The following ZNF549 variants were observed in gnomAD, a reference collection of about 807,000 sequenced individuals.
The protein encoded by ZNF549 is zinc finger protein 549.
ZNF549 carries 11 observed loss-of-function variants against 11.1 expected under a neutral mutation model. The observed-to-expected ratio is 0.99, with a 90% CI of 0.62 to 1.64. The LOEUF (loss-of-function observed/expected upper bound fraction) is 1.64, where lower values mean the gene tolerates loss of function less well. ZNF549 is among the 40% of genes most tolerant of loss of function. The probability of loss-of-function intolerance (pLI) is 0.00; values close to 1 mark genes in which losing one functional copy is unlikely to be tolerated. For missense variants in ZNF549, 748 were observed against 765.1 expected, an observed-to-expected ratio of 0.98 and a Z score of 0.26; for synonymous variants, 266 against 269.1, an observed-to-expected ratio of 0.99 and a Z score of 0.11.
intron 3 of ZNF549, among the ~76,000 whole-genome samples, chr19:57,536,283 C>G (rs2089924269): frequency 6.6e-6 from 1 of 152,146 alleles, no homozygotes; most frequent in Non-Finnish European, 1.5e-5. Context: ...ATACACCCAA[C>G]TTATTAGACA....
intron 1 of ZNF549, 143 bp downstream of exon 1, chr19:57,527,749 T>A: frequency 9.6e-7 from 1 of 1,042,614 alleles, no homozygotes; most frequent in Non-Finnish European, 1.4e-6. Context: ...GGCGGTGAGG[T>A]GAAGAAGGGA....
Position 57,538,840 on chromosome 19 carries a change from G to T in ZNF549, c.1836G>T (p.Pro612=), listed in dbSNP as rs371382419. The T allele has an allele frequency of 1.2e-6, 2 of 1,613,638 alleles. No homozygotes were observed. Among genetic ancestry groups the T allele is most frequent in the Non-Finnish European group, 1.7e-6 (2 of 1,180,018 alleles). Residue 612 remains proline, a synonymous_variant, in exon 4 of 4, where the codon CCG becomes CCT. Coordinates refer to ENST00000376233, the MANE Select transcript of ZNF549 (RefSeq NM_001199295.2). ...EHQRIHTGEK[P]YECGKCGKAF... ...AGCGAATCCACACCGGAGAAAAGCC[G>T]TATGAATGTGGTAAATGTGGGAAAG...
chr19:57,532,098 C>A (rs139527196), intron 2 of ZNF549, among the ~76,000 whole-genome samples: 1 of 152,274 alleles, frequency 6.6e-6, no homozygotes, highest in African/African-American at 2.4e-5. Context: ...CATGCGTTGT[C>A]TTGTTTACAT....
At chr19:57,532,797 A>T (rs928703770) in intron 2 of ZNF549, among the ~76,000 whole-genome samples, 1 of 152,194 alleles carries the variant, frequency 6.6e-6, no homozygotes, top group Non-Finnish European at 1.5e-5. Context: ...TTTTCTGCCT[A>T]CTGTATCTGT....
chr19:57,537,716 CAG>C lies in ZNF549; in HGVS notation c.717_718del (p.Arg239SerfsTer9). The C allele has an allele frequency of 1.9e-6, 3 of 1,614,136 alleles. No homozygotes were observed. Among genetic ancestry groups the C allele is most frequent in the Non-Finnish European group, 2.5e-6 (3 of 1,180,030 alleles). On this transcript the variant is annotated frameshift_variant, in exon 4 of 4. Coordinates refer to ENST00000376233, the MANE Select transcript of ZNF549 (RefSeq NM_001199295.2). LOFTEE classifies it low-confidence loss of function (END_TRUNC). ...TGAGAAAGTTCATGTTACTGAGCATCAGAGAGTCCACACTGGAGAAAAAGCTT... is the reference window on the plus strand; with the variant it reads ...TGAGAAAGTTCATGTTACTGAGCATCAGAGTCCACACTGGAGAAAAAGCTT... ...FNEKVHVTEH[Q>X]RVHTGEKAYK...
Position 57,537,251 on chromosome 19 carries a change from CTT to C in ZNF549, c.249_250del (p.Ser84CysfsTer23). On this transcript the variant is annotated frameshift_variant, in exon 4 of 4. Transcript: ENST00000376233. LOFTEE classifies it low-confidence loss of function (END_TRUNC). ...EAEEAPSEQT[L>X]SAQGVSQART... ...TGAGGAGGCCCCTTCTGAGCAGACT[CTT>C]TCTGCGCAAGGAGTGTCACAGGCCA... 1 of 1,614,180 alleles carries C rather than the reference CTT, an allele frequency of 6.2e-7. No individual in the cohort carries two copies. Among genetic ancestry groups the C allele is most frequent in the South Asian group, 1.1e-5 (1 of 91,080 alleles).
Position 57,538,333 on chromosome 19 carries a change from G to A in ZNF549, c.1329G>A (p.Lys443=), listed in dbSNP as rs934637757. 1.1e-5 allele frequency: 18 copies of A among 1,613,874 alleles called. No individual in the cohort carries two copies. Among genetic ancestry groups the A allele is most frequent in the Admixed American group, 6.7e-5 (4 of 59,986 alleles). Residue 443 remains lysine, a synonymous_variant, in exon 4 of 4, where the codon AAG becomes AAA. Transcript: ENST00000376233. ...LEHQRIHTGE[K]PYVCIICGKS... is the part of the protein sequence containing the mutation. ...ACCAGAGAATTCATACTGGAGAAAAGCCTTATGTGTGCATCATATGTGGGA... is the reference window on the plus strand; with the variant it reads ...ACCAGAGAATTCATACTGGAGAAAAACCTTATGTGTGCATCATATGTGGGA...
chr19:57,535,352 G>T, intron 3 of ZNF549, 82 bp downstream of exon 3: 3 of 1,521,804 alleles, frequency 2.0e-6, no homozygotes, highest in Non-Finnish European at 2.7e-6. Flanking sequence ...GTCTTTCCCA[G>T]AGTTGGACAT....
At chr19:57,535,577 G>T (rs2089921016) in intron 3 of ZNF549, among the ~76,000 whole-genome samples, 1 of 152,072 alleles carries the variant, frequency 6.6e-6, no homozygotes. Context: ...TGTGTTACAG[G>T]TTCTCCCCCT....
intron 3 of ZNF549, among the ~76,000 whole-genome samples, chr19:57,536,488 A>G (rs983789309): frequency 1.3e-5 from 2 of 152,218 alleles, no homozygotes; most frequent in African/African-American, 4.8e-5. Flanking sequence ...TGGAAAAATC[A>G]TAAGTTCAAC....
At chr19:57,530,054 T>C (rs1332116412) in intron 1 of ZNF549, among the ~76,000 whole-genome samples, 2 of 152,170 alleles carry the variant, frequency 1.3e-5, no homozygotes, top group Non-Finnish European at 2.9e-5. Flanking sequence ...TAACTGAAAC[T>C]GCAAATAGCA....
intron 1 of ZNF549, among the ~76,000 whole-genome samples, chr19:57,529,541 G>T (rs574602040): frequency 6.6e-6 from 1 of 152,312 alleles, no homozygotes; most frequent in African/African-American, 2.4e-5. Flanking sequence ...TCACCCTTGT[G>T]ATGAAGAAGG....
chr19:57,531,500 G>T (rs773859312), intron 2 of ZNF549, among the ~76,000 whole-genome samples: 2 of 151,998 alleles, frequency 1.3e-5, no homozygotes, highest in African/African-American at 4.8e-5. Context: ...TGTCCTTTTC[G>T]TAGATCTTAG....
At chr19:57,533,558 G>C (rs2089912526) in intron 2 of ZNF549, among the ~76,000 whole-genome samples, 1 of 152,100 alleles carries the variant, frequency 6.6e-6, no homozygotes, top group African/African-American at 2.4e-5. Context: ...ATGAGAACTT[G>C]GTTAAGTTTC....
chr19:57,536,483 A>G (rs2089925061), intron 3 of ZNF549, among the ~76,000 whole-genome samples: 1 of 152,208 alleles, frequency 6.6e-6, no homozygotes, highest in Non-Finnish European at 1.5e-5. Flanking sequence ...TAAAGTGGAA[A>G]AATCATAAGT....
At position 57,538,866 on chromosome 19, in the gene ZNF549, C is replaced by G; in HGVS notation, c.1862C>G (p.Ala621Gly). The change falls in exon 4 of 4, where the codon GCC becomes GGC. Residue 621 changes from alanine to glycine, a missense_variant. Physicochemically the swap from Ala to Gly is moderately conservative, Grantham distance 60 (BLOSUM62 0). Coordinates refer to ENST00000376233, the MANE Select transcript of ZNF549 (RefSeq NM_001199295.2). ...KPYECGKCGK[A>G]FNKRYSLVRH... The stretch of plus-strand genomic sequence containing the variant: ...TATGAATGTGGTAAATGTGGGAAAG[C>G]CTTCAACAAAAGATATTCCCTTGTC... 3.1e-6 allele frequency: 5 copies of G among 1,611,852 alleles called. No homozygotes were observed. Among genetic ancestry groups the G allele is most frequent in the Non-Finnish European group, 2.5e-6 (3 of 1,180,020 alleles).
chr19:57,537,285 C>G lies in ZNF549; in HGVS notation c.281C>G (p.Pro94Arg), dbSNP rs769378754. ...CAAGGAGTGTCACAGGCCAGGACTC[C>G]AAAGCTAGGTCCTTCCATCCCAAAT... ...SAQGVSQART[P>R]KLGPSIPNAH... is the part of the protein sequence containing the mutation. Residue 94 changes from proline to arginine, a missense_variant, in exon 4 of 4, where the codon CCA (proline) becomes CGA (arginine). Pro to Arg is a moderately radical substitution (Grantham distance 103). Transcript: ENST00000376233. The G allele has an allele frequency of 6.2e-7, 1 of 1,614,170 alleles. No individual in the cohort carries two copies. The highest frequency in any genetic ancestry group is 1.1e-5 in the South Asian group (1 of 91,070).
At chr19:57,531,573 T>TA (rs1407688789) in intron 2 of ZNF549, among the ~76,000 whole-genome samples, 8 of 152,338 alleles carry the variant, frequency 5.3e-5, no homozygotes, top group Middle Eastern at 3.4e-3. Flanking sequence ...TTAAAGGAAG[T>TA]ACTTCACAGG....
intron 2 of ZNF549, among the ~76,000 whole-genome samples, chr19:57,533,535 T>C (rs112933530): frequency 5.3e-5 from 8 of 152,132 alleles, no homozygotes; most frequent in Non-Finnish European, 7.4e-5. Context: ...TTTTTTTTTT[T>C]CCAGTATTCA....
Sources: allele counts gnomAD v4.1 joint callset (sites outside exome capture counted in the v4.1 genomes callset), GRCh38; gene constraint gnomAD v4.1.1; transcripts MANE v1.5; gene names NCBI Gene and HGNC (gene_info 2026-07-23, HGNC 2026-07-21).